GFRA2: variants seen among roughly 807,000 people sequenced by gnomAD.
The protein encoded by GFRA2 is GDNF family receptor alpha 2, also known as GDNF family receptor alpha-2.
A neutral mutation model predicts 48.3 loss-of-function variants in GFRA2; 17 were observed. The observed-to-expected ratio is 0.35, with a 90% confidence interval of 0.24 to 0.53. The LOEUF is 0.53. Ranked by LOEUF, GFRA2 falls within the 20% of genes least tolerant of loss-of-function variation. The probability of loss-of-function intolerance (pLI) is 0.93; values close to 1 mark genes in which losing one functional copy is unlikely to be tolerated. For missense variants in GFRA2, 660 were observed against 637.3 expected (o/e 1.04, Z -0.38); for synonymous variants, 305 against 257.2 (o/e 1.19, Z -1.78).
intron 7 of GFRA2, among the ~76,000 whole-genome samples, chr8:21,700,182 T>C (rs150299299): frequency 3.3e-5 from 5 of 152,186 alleles, no homozygotes; most frequent in African/African-American, 1.2e-4. Flanking sequence ...GACCTGACAC[T>C]CAGGTTCCCT....
intron 3 of GFRA2, among the ~76,000 whole-genome samples, chr8:21,757,039 C>T (rs1397695640): frequency 6.6e-6 from 1 of 152,170 alleles, no homozygotes; most frequent in Non-Finnish European, 1.5e-5. Context: ...GTTAAGTCAT[C>T]CTCCCAACCT....
chr8:21,758,968 G>A (rs1490760334), intron 3 of GFRA2, among the ~76,000 whole-genome samples: 1 of 152,156 alleles, frequency 6.6e-6, no homozygotes, highest in African/African-American at 2.4e-5. Context: ...TTAGTAGCCA[G>A]TCAACAAATA....
At chr8:21,797,267 C>CT (rs1169613428) in intron 2 of GFRA2, among the ~76,000 whole-genome samples, 30 of 99,858 alleles carry the variant, frequency 3.0e-4, no homozygotes, top group South Asian at 2.0e-3. Context: ...GCCTTTCTTT[C>CT]TTTTTTTTTC....
At chr8:21,694,343 G>A in intron 8 of GFRA2, 121 bp downstream of exon 8, 1 of 943,528 alleles carries the variant, frequency 1.1e-6, no homozygotes, top group Middle Eastern at 2.4e-4. Context: ...TGGTCCAGAA[G>A]CTCAGCTGGC....
chr8:21,721,059 T>C (rs571976722), intron 4 of GFRA2, among the ~76,000 whole-genome samples: 2 of 151,630 alleles, frequency 1.3e-5, no homozygotes, highest in East Asian at 1.9e-4. Flanking sequence ...AAGGGACTGA[T>C]TGATTGGGAC....
At chr8:21,721,537 C>T (rs189063449) in intron 4 of GFRA2, among the ~76,000 whole-genome samples, 3 of 152,268 alleles carry the variant, frequency 2.0e-5, no homozygotes, top group Admixed American at 1.3e-4. Context: ...GTCAAAACGC[C>T]CGCTGCACCT....
chr8:21,794,138 G>A (rs1053717633), intron 2 of GFRA2, among the ~76,000 whole-genome samples: 2 of 151,488 alleles, frequency 1.3e-5, no homozygotes, highest in East Asian at 1.9e-4. Context: ...ACAGGCCTGA[G>A]CCACTGTGCC....
intron 3 of GFRA2, among the ~76,000 whole-genome samples, chr8:21,761,354 G>A (rs1462611676): frequency 6.6e-6 from 1 of 152,248 alleles, no homozygotes; most frequent in Non-Finnish European, 1.5e-5. Context: ...GCTCAGGTGA[G>A]AGATCACAAG....
chr8:21,715,143 C>T (rs1026476630), intron 4 of GFRA2, among the ~76,000 whole-genome samples: 8 of 152,276 alleles, frequency 5.3e-5, no homozygotes, highest in Non-Finnish European at 8.8e-5. Context: ...TGTCTTCCTG[C>T]CACCACTGGT....
At chr8:21,745,145 G>T (rs768617429) in intron 4 of GFRA2, among the ~76,000 whole-genome samples, 1 of 152,242 alleles carries the variant, frequency 6.6e-6, no homozygotes, top group African/African-American at 2.4e-5. Context: ...AATCTCACAC[G>T]GGTGACGGAC....
intron 2 of GFRA2, 113 bp downstream of exon 2, chr8:21,782,472 G>C: frequency 1.3e-6 from 1 of 763,528 alleles, no homozygotes; most frequent in East Asian, 2.7e-5. Flanking sequence ...GACATAGAGA[G>C]CTGGCCAGTT....
intron 7 of GFRA2, among the ~76,000 whole-genome samples, chr8:21,700,952 G>A (rs543034026): frequency 4.6e-5 from 7 of 152,146 alleles, no homozygotes; most frequent in Non-Finnish European, 8.8e-5. Context: ...ATCAGAGATG[G>A]TCCAAGCTAG....
rs1801961241 is a variant in GFRA2 at position 21,693,310 on chromosome 8, G to T, written c.1363C>A (p.Leu455Met). Residue 455 changes from leucine to methionine, a missense_variant, in exon 9 of 9, where the codon CTG (leucine) becomes ATG (methionine). Physicochemically the swap from Leu to Met is conservative, Grantham distance 15 (BLOSUM62 2). Transcript: ENST00000524240. ...GCCAGTTTCAGCATCAGGACAGACAGCACGGTCAAGGCAGCCGACGGTCTG... is the reference window on the plus strand; with the variant it reads ...GCCAGTTTCAGCATCAGGACAGACATCACGGTCAAGGCAGCCGACGGTCTG... The part of the protein sequence containing the change: ...RARPSAALTV[L>M]SVLMLKLAL 6.2e-7 allele frequency: 1 copy of T among 1,613,530 alleles called. No homozygotes were observed. The highest frequency in any genetic ancestry group is 8.5e-7 in the Non-Finnish European group (1 of 1,179,742).
At chr8:21,808,302 G>T (rs954589661) in intron 1 of GFRA2, among the ~76,000 whole-genome samples, 4 of 152,186 alleles carry the variant, frequency 2.6e-5, no homozygotes, top group Admixed American at 2.0e-4. Flanking sequence ...TGTTATTTTT[G>T]AAATCACTTT....
intron 4 of GFRA2, among the ~76,000 whole-genome samples, chr8:21,748,039 T>C (rs1805097715): frequency 6.6e-6 from 1 of 152,114 alleles, no homozygotes; most frequent in African/African-American, 2.4e-5. Context: ...ACACTGAGGA[T>C]GCCCAAATCT....
At position 21,788,397 on chromosome 8, in the gene GFRA2, C is replaced by CTGTGT. The variant is rs1807393568; in HGVS notation, c.-239_-238insACACA. 4.5e-6 allele frequency: 6 copies of CTGTGT among 1,334,720 alleles called. No individual in the cohort carries two copies. The African/African-American group carries it at 9.2e-5, about 20-fold the overall frequency. 82.7% of individuals were successfully genotyped at this position (1,334,720 alleles called of 1,614,324 possible). ...CTCTCGACGCCCCCCTTGCCCGCTA[C>CTGTGT]AATCAAATATACGCGTATCTGTGTA... is the stretch of plus-strand genomic sequence containing the variant. On this transcript the variant is annotated 5_prime_UTR_variant, in exon 1 of 9. Coordinates refer to ENST00000524240, the MANE Select transcript of GFRA2 (RefSeq NM_001495.5).
intron 3 of GFRA2, among the ~76,000 whole-genome samples, chr8:21,759,341 G>A (rs36145513): frequency 0.3 from 44,579 of 149,684 alleles, 7,120 homozygotes; most frequent in East Asian, 0.4. Context: ...AGGCAAGAAC[G>A]CACCATTGCA....
chr8:21,758,361 A>G (rs1185383568), intron 3 of GFRA2, among the ~76,000 whole-genome samples: 2 of 152,148 alleles, frequency 1.3e-5, no homozygotes. Context: ...TCTTCAAGGT[A>G]GACTTTCCAA....
At position 21,803,098 on chromosome 8, in the gene GFRA2, T is replaced by A. The variant is rs762269599; in HGVS notation, c.-36+1919A>T. On this transcript the variant is annotated intron_variant, in intron 2 of 10. Coordinates refer to the GFRA2 transcript ENST00000517328. ...GTTAACACCGCAAAGGTTTATTTAT[T>A]CCTCATGCAACATGTTCAATGTACT... Among the ~76,000 whole-genome samples the A allele has an allele frequency of 1.2e-3, 189 of 152,346 alleles. 2 individuals carry two copies. The highest frequency in any genetic ancestry group is 1.5e-3 in the Admixed American group (23 of 15,300).
Sources: gnomAD v4.1 joint callset for allele counts (sites outside exome capture counted in the v4.1 genomes callset) on GRCh38, gnomAD v4.1.1 for gene constraint, MANE v1.5 for transcripts, NCBI Gene and HGNC (gene_info 2026-07-23, HGNC 2026-07-21) for gene names.